The following MAP6 variants were observed in gnomAD, a reference collection of about 807,000 sequenced individuals.
MAP6 encodes microtubule associated protein 6.
In MAP6, 26 loss-of-function variants were observed where a neutral mutation model predicts 42.4. The observed-to-expected ratio is 0.61, with a 90% CI of 0.45 to 0.85. The LOEUF (loss-of-function observed/expected upper bound fraction) is 0.85, where lower values mean the gene tolerates loss of function less well. Among genes scored for constraint, MAP6 ranks in the 40% least tolerant of loss-of-function variants. MAP6 has a pLI of 0.00. For missense variants in MAP6, 966 were observed against 1,099.0 expected, an observed-to-expected ratio of 0.88 and a Z score of 1.71; for synonymous variants, 418 against 443.8, an observed-to-expected ratio of 0.94 and a Z score of 0.73.
At chr11:75,617,473 G>A (rs1943016173) in intron 1 of MAP6, among the ~76,000 whole-genome samples, 1 of 123,244 alleles carries the variant, frequency 8.1e-6, no homozygotes, top group Admixed American at 1.1e-4. Context: ...CCAAGATCAT[G>A]CCTCTGTGCT....
rs1943608636 is a variant in MAP6, at chr11:75,649,167, G to A, written c.905+18298C>T. Among the ~76,000 whole-genome samples the A allele has an allele frequency of 3.3e-5, 5 of 152,034 alleles. No homozygotes were observed. In the South Asian group the frequency reaches 1.0e-3, roughly 32 times the overall value. On this transcript the variant is annotated intron_variant, in intron 1 of 3. Transcript: ENST00000304771. ...ACATAAATAGGGAAATAAATAATAT[G>A]TGATATTGTCATATGATGGCAGATT...
intron 3 of MAP6, among the ~76,000 whole-genome samples, chr11:75,598,433 A>T (rs564397214): frequency 6.6e-6 from 1 of 152,326 alleles, no homozygotes; most frequent in Non-Finnish European, 1.5e-5. Context: ...CCCTGTAACC[A>T]AGGGCCCATG....
At chr11:75,625,450 G>A (rs1197705006) in intron 1 of MAP6, among the ~76,000 whole-genome samples, 1 of 152,184 alleles carries the variant, frequency 6.6e-6, no homozygotes, top group Non-Finnish European at 1.5e-5. Context: ...AGAAGAGGAT[G>A]TTGGGGCCTA....
intron 1 of MAP6, among the ~76,000 whole-genome samples, chr11:75,609,412 C>T (rs931642207): frequency 1.3e-5 from 2 of 152,174 alleles, no homozygotes; most frequent in Non-Finnish European, 2.9e-5. Context: ...CACTGTCTCC[C>T]TCACTGATGA....
intron 1 of MAP6, chr11:75,643,018 T>C: frequency 3.4e-6 from 1 of 296,814 alleles, no homozygotes; most frequent in Non-Finnish European, 7.2e-6. Flanking sequence ...ATCAAGCCTG[T>C]ATTCATAGTC....
intron 1 of MAP6, among the ~76,000 whole-genome samples, chr11:75,617,516 A>G (rs57037975): frequency 3.8e-4 from 50 of 130,174 alleles, no homozygotes; most frequent in Middle Eastern, 3.8e-3. Flanking sequence ...ACTGTCTCCA[A>G]AAAAAAAAAA....
chr11:75,642,839 A>T (rs1172782793), intron 1 of MAP6: 2 of 473,152 alleles, frequency 4.2e-6, no homozygotes, highest in African/African-American at 3.9e-5. Flanking sequence ...TGGATTCTAT[A>T]AAGGAACAAC....
intron 2 of MAP6, chr11:75,607,754 G>T: frequency 1.3e-6 from 1 of 779,548 alleles, no homozygotes; most frequent in Non-Finnish European, 1.6e-6. Flanking sequence ...TACTGGGCCA[G>T]CCCTTCTGGG....
At chr11:75,599,562 A>T (rs558241576) in intron 3 of MAP6, among the ~76,000 whole-genome samples, 1 of 152,212 alleles carries the variant, frequency 6.6e-6, no homozygotes, top group African/African-American at 2.4e-5. Flanking sequence ...AGCCAGATGT[A>T]TATAGATCTG....
At chr11:75,641,486 A>T (rs1053663164) in intron 1 of MAP6, among the ~76,000 whole-genome samples, 12 of 151,924 alleles carry the variant, frequency 7.9e-5, no homozygotes, top group South Asian at 2.1e-4. Context: ...AGTATAATAA[A>T]AAAAAAAAGA....
In MAP6 at chr11:75,587,898, C is replaced by A. The variant is rs1460820555; in HGVS notation, c.1603G>T (p.Val535Phe). ...PVKDQGPSVP[V>F]PPKNQSPMVP... is the part of the protein sequence containing the mutation. ...ATAGGACTTTGATTCTTTGGAGGAA[C>A]TGGGACCGAGGGACCTTGGTCCTTG... Residue 535 changes from valine to phenylalanine, a missense_variant, in exon 4 of 4, where the codon GTT (valine) becomes TTT (phenylalanine). Around this residue, in one of 2 missense-constraint regions of MAP6, gnomAD observed 943 missense variants for 1,049.9 expected, o/e 0.90. Coordinates refer to ENST00000304771, the MANE Select transcript of MAP6 (RefSeq NM_033063.2). The A allele has an allele frequency of 6.2e-7, 1 of 1,614,064 alleles. No homozygotes were observed. The highest frequency in any genetic ancestry group is 2.2e-5 in the East Asian group (1 of 44,892).
At chr11:75,658,439 TC>T (rs1243217158) in intron 1 of MAP6, among the ~76,000 whole-genome samples, 1 of 151,284 alleles carries the variant, frequency 6.6e-6, no homozygotes, top group East Asian at 2.0e-4. Flanking sequence ...CCTAGAAACA[TC>T]CTAGGCTCTT....
chr11:75,631,789 A>G (rs1565269528), intron 1 of MAP6, among the ~76,000 whole-genome samples: 3 of 152,250 alleles, frequency 2.0e-5, no homozygotes, highest in Non-Finnish European at 4.4e-5. Flanking sequence ...ATCAATGAAA[A>G]GTGATAATTT....
chr11:75,610,049 C>T (rs903156652), intron 1 of MAP6, among the ~76,000 whole-genome samples: 10 of 152,086 alleles, frequency 6.6e-5, no homozygotes, highest in Admixed American at 5.2e-4. Flanking sequence ...GAAGAGAGAC[C>T]TCAACTAGCA....
At chr11:75,610,031 A>G (rs947449332) in intron 1 of MAP6, among the ~76,000 whole-genome samples, 1 of 152,102 alleles carries the variant, frequency 6.6e-6, no homozygotes, top group Non-Finnish European at 1.5e-5. Context: ...TGGCTTTTAT[A>G]AGAAGAGGAA....
chr11:75,641,248 A>G (rs973021444), intron 1 of MAP6, among the ~76,000 whole-genome samples: 19 of 148,872 alleles, frequency 1.3e-4, no homozygotes, highest in Non-Finnish European at 1.6e-4. Context: ...AAAACTGAAC[A>G]CTGCATGTTC....
At chr11:75,618,599 TAAAA>T (rs561539674) in intron 1 of MAP6, among the ~76,000 whole-genome samples, 1 of 144,794 alleles carries the variant, frequency 6.9e-6, no homozygotes, top group African/African-American at 2.5e-5. Flanking sequence ...AAGTGAGACT[TAAAA>T]AAAAAAAAAT....
At chr11:75,628,284 A>C (rs1396379066) in intron 1 of MAP6, among the ~76,000 whole-genome samples, 1 of 152,176 alleles carries the variant, frequency 6.6e-6, no homozygotes, top group Non-Finnish European at 1.5e-5. Flanking sequence ...GGGGGTGAGG[A>C]AGGAGTATGG....
chr11:75,638,905 T>A (rs1480204517), intron 1 of MAP6, among the ~76,000 whole-genome samples: 2 of 152,184 alleles, frequency 1.3e-5, no homozygotes, highest in African/African-American at 4.8e-5. Flanking sequence ...TCAATCTGTG[T>A]CCATCAACAG....
Sources: allele counts gnomAD v4.1 joint callset (sites outside exome capture counted in the v4.1 genomes callset), GRCh38; gene constraint gnomAD v4.1.1; regional missense constraint gnomAD v4.1.1; transcripts MANE v1.5; gene names NCBI Gene and HGNC (gene_info 2026-07-23, HGNC 2026-07-21).